The following TXNDC11 variants were observed in gnomAD, a reference collection of about 807,000 sequenced individuals.
TXNDC11 encodes thioredoxin domain-containing protein 11.
A neutral mutation model predicts 78.0 loss-of-function variants in TXNDC11; 68 were observed. That is an observed-to-expected ratio of 0.87 (90% CI 0.72 to 1.07). TXNDC11 has a LOEUF of 1.07. TXNDC11 is among the 50% of genes least tolerant of loss of function. The pLI is 0.00. For missense variants in TXNDC11, 1,389 were observed against 1,221.8 expected, an observed-to-expected ratio of 1.14 and a Z score of -2.04; for synonymous variants, 571 against 495.2, an observed-to-expected ratio of 1.15 and a Z score of -2.03.
intron 5 of TXNDC11, chr16:11,703,763 A>T (rs1311908303): frequency 1.4e-6 from 1 of 700,708 alleles, no homozygotes; most frequent in Non-Finnish European, 2.6e-6. Flanking sequence ...GGGGTGAAGA[A>T]AGTACAAGAT....
rs762322990 is a variant in TXNDC11 at position 11,679,397 on chromosome 16, G to A, written c.2675C>T (p.Thr892Met). The A allele has an allele frequency of 2.5e-6, 4 of 1,611,886 alleles. No individual in the cohort carries two copies. Among genetic ancestry groups the A allele is most frequent in the African/African-American group, 1.3e-5 (1 of 74,862 alleles). ...GGTCGCCACCAGGATCTTGAGCCAC[G>A]TGTTCTCGGTAAGGAGGTTTTCTGA... is the stretch of plus-strand genomic sequence containing the variant. ...DASENLLTEN[T>M]WLKILVATME... is the part of the protein sequence containing the mutation. The change falls in exon 12 of 12, where the codon ACG becomes ATG. Residue 892 changes from threonine (T) to methionine (M), a missense_variant. By Grantham distance (81) the Thr-to-Met change is moderately conservative (BLOSUM62 -1). Coordinates refer to ENST00000283033, the MANE Select transcript of TXNDC11 (RefSeq NM_015914.7). The surrounding 1 kb of genome is among the most constrained non-coding windows in gnomAD (Gnocchi z 4.6).
chr16:11,687,879 T>C lies in TXNDC11; in HGVS notation c.2131A>G (p.Met711Val), dbSNP rs369907277. ...TACCTTGCCACAGTGAATGTGTCCA[T>C]GGGCAGGTTCCGAGCTAGCTGGATG... ...IFIQLARNLP[M>V]DTFTVARIDV... Residue 711 changes from methionine to valine, a missense_variant, in exon 10 of 12, where the codon ATG becomes GTG. Coordinates refer to ENST00000283033, the MANE Select transcript of TXNDC11 (RefSeq NM_015914.7). 68 of 1,613,388 alleles carry C rather than the reference T, an allele frequency of 4.2e-5. No homozygotes were observed. Among genetic ancestry groups the C allele is most frequent in the Admixed American group, 2.2e-4 (13 of 59,982 alleles).
At chr16:11,722,266 G>A (rs1328380659) in intron 4 of TXNDC11, among the ~76,000 whole-genome samples, 13 of 151,922 alleles carry the variant, frequency 8.6e-5, no homozygotes, top group Non-Finnish European at 1.5e-5. Context: ...ATCTGCAGAG[G>A]ACCCGCCTCT....
intron 11 of TXNDC11, among the ~76,000 whole-genome samples, chr16:11,680,061 T>G (rs2050382477): frequency 6.6e-6 from 1 of 152,254 alleles, no homozygotes; most frequent in South Asian, 2.1e-4. Flanking sequence ...TATCTGTTCC[T>G]GAAGCCAGAG....
intron 4 of TXNDC11, among the ~76,000 whole-genome samples, chr16:11,722,844 G>C (rs2051751221): frequency 6.6e-6 from 1 of 152,160 alleles, no homozygotes; most frequent in African/African-American, 2.4e-5. Flanking sequence ...AAATCAATAT[G>C]TTATAAAAAA....
At position 11,721,627 on chromosome 16, in the gene TXNDC11, G is replaced by T. The variant is rs779214939; in HGVS notation, c.743C>A (p.Pro248His). ...GYFEFSGSPQ[P>H]PGYLTFFTSA... Reference sequence around the variant, plus strand: ...GGTGAAGAAGGTCAAATAACCAGGAGGCTGGGGTGAGCCACTGAACTCAAA... The same window carrying T: ...GGTGAAGAAGGTCAAATAACCAGGATGCTGGGGTGAGCCACTGAACTCAAA... The change falls in exon 5 of 12, where the codon CCT becomes CAT. Residue 248 changes from proline (P) to histidine (H), a missense_variant. Physicochemically the swap from Pro to His is moderately conservative, Grantham distance 77. Coordinates refer to ENST00000283033, the MANE Select transcript of TXNDC11 (RefSeq NM_015914.7). The T allele has an allele frequency of 3.7e-6, 6 of 1,612,710 alleles. No individual in the cohort carries two copies. The highest frequency in any genetic ancestry group is 5.1e-6 in the Non-Finnish European group (6 of 1,179,166).
At chr16:11,694,273 C>A (rs898064827) in intron 7 of TXNDC11, among the ~76,000 whole-genome samples, 1 of 151,806 alleles carries the variant, frequency 6.6e-6, no homozygotes, top group Non-Finnish European at 1.5e-5. Flanking sequence ...CGACACCCAG[C>A]CAATTTTTTC....
chr16:11,679,280 G>C lies in TXNDC11; in HGVS notation c.2792C>G (p.Pro931Arg), dbSNP rs527366435. The C allele has an allele frequency of 9.9e-6, 16 of 1,613,032 alleles. No individual in the cohort carries two copies. The highest frequency in any genetic ancestry group is 8.0e-5 in the African/African-American group (6 of 75,058). ...TGGAGGGGAGCTGCCAGGGAGCTGGGGGGTGGCTGAGGGCTCAGGCTGCTT... is the reference window on the plus strand; with the variant it reads ...TGGAGGGGAGCTGCCAGGGAGCTGGCGGGTGGCTGAGGGCTCAGGCTGCTT... The part of the protein sequence containing the change: ...HPKQPEPSAT[P>R]QLPGSSPPPA... Residue 931 changes from proline (P) to arginine (R), a missense_variant, in exon 12 of 12, where the codon CCC becomes CGC. Pro to Arg is a moderately radical substitution (Grantham distance 103). Coordinates refer to ENST00000283033, the MANE Select transcript of TXNDC11 (RefSeq NM_015914.7). This position sits in a 1 kb window ranked among gnomAD's most constrained non-coding sequence, Gnocchi z 4.6.
chr16:11,692,438 A>G (rs58081879), intron 7 of TXNDC11, among the ~76,000 whole-genome samples: 1 of 152,214 alleles, frequency 6.6e-6, no homozygotes, highest in South Asian at 2.1e-4. Context: ...AGGGCCCCCA[A>G]AGTGTAAGGA....
intron 4 of TXNDC11, among the ~76,000 whole-genome samples, chr16:11,722,888 T>G (rs2051753291): frequency 1.3e-5 from 2 of 152,214 alleles, no homozygotes; most frequent in Non-Finnish European, 2.9e-5. Flanking sequence ...GAATATACTA[T>G]CTTTCCAATC....
intron 1 of TXNDC11, among the ~76,000 whole-genome samples, chr16:11,740,252 G>A (rs545190710): frequency 2.6e-5 from 4 of 152,170 alleles, no homozygotes; most frequent in African/African-American, 9.6e-5. Flanking sequence ...TTAGCCAGTT[G>A]CACAGCAATA....
At chr16:11,682,767 T>C (rs1338080737) in intron 11 of TXNDC11, among the ~76,000 whole-genome samples, 2 of 152,168 alleles carry the variant, frequency 1.3e-5, no homozygotes, top group South Asian at 2.1e-4. Flanking sequence ...AAAAGCCTCA[T>C]CACAACTCAG....
chr16:11,683,223 C>T (rs2050475668), intron 11 of TXNDC11, among the ~76,000 whole-genome samples: 1 of 152,194 alleles, frequency 6.6e-6, no homozygotes, highest in Non-Finnish European at 1.5e-5. Context: ...TCCGCTCCCC[C>T]TTGTTAATGT....
intron 3 of TXNDC11, among the ~76,000 whole-genome samples, chr16:11,731,079 A>G (rs192295993): frequency 8.5e-5 from 13 of 152,366 alleles, no homozygotes; most frequent in African/African-American, 3.1e-4. Flanking sequence ...TAATTCCCAC[A>G]GTAGTTCTTT....
intron 10 of TXNDC11, 53 bp downstream of exon 10, chr16:11,687,804 T>G: frequency 8.1e-7 from 1 of 1,228,190 alleles, no homozygotes; most frequent in East Asian, 2.4e-5. Context: ...AAGCTGCAAA[T>G]AAGAGTGAAA....
chr16:11,684,245 C>T lies in TXNDC11; in HGVS notation c.2154G>A (p.Arg718=). The T allele has an allele frequency of 1.2e-6, 2 of 1,611,468 alleles. No individual in the cohort carries two copies. The highest frequency in any genetic ancestry group is 1.7e-6 in the Non-Finnish European group (2 of 1,177,928). ...NLPMDTFTVA[R]IDVSQNDLPW... ...GAAGGTCATTCTGAGACACGTCAAT[C>T]CTGGTAAAGGGAAAGAACAGAAATG... The change falls in exon 11 of 12, where the codon AGG becomes AGA. Residue 718 remains arginine, a splice_region_variant and synonymous_variant. Transcript: ENST00000283033.
Position 11,683,527 on chromosome 16 carries a change from T to C in TXNDC11, c.2234+638A>G, listed in dbSNP as rs541817793. Among the ~76,000 whole-genome samples the C allele has an allele frequency of 8.5e-5, 13 of 152,126 alleles. No individual in the cohort carries two copies. In the South Asian group the frequency reaches 2.7e-3, roughly 32 times the overall value. On this transcript the variant is annotated intron_variant, in intron 11 of 11. Coordinates refer to ENST00000283033, the MANE Select transcript of TXNDC11 (RefSeq NM_015914.7). ...AGGGCTCCACAGATTCTCTGCTGTTTTGCCCCACACAAACATTGCACCACT... is the reference window on the plus strand; with the variant it reads ...AGGGCTCCACAGATTCTCTGCTGTTCTGCCCCACACAAACATTGCACCACT...
At chr16:11,706,429 C>T (rs2051181187) in intron 5 of TXNDC11, among the ~76,000 whole-genome samples, 1 of 152,224 alleles carries the variant, frequency 6.6e-6, no homozygotes, top group African/African-American at 2.4e-5. Flanking sequence ...CAGGCACCAT[C>T]TAGACCCATC....
At chr16:11,702,092 GTATATA>G (rs35673646) in intron 5 of TXNDC11, among the ~76,000 whole-genome samples, 4 of 144,332 alleles carry the variant, frequency 2.8e-5, no homozygotes, top group Non-Finnish European at 3.0e-5. Context: ...GTATGTATGT[GTATATA>G]TATATATATA....
Sources: gnomAD v4.1 joint callset for allele counts (sites outside exome capture counted in the v4.1 genomes callset) on GRCh38, gnomAD v4.1.1 for gene constraint, Gnocchi (gnomAD v3.1) non-coding constraint, MANE v1.5 for transcripts, NCBI Gene and HGNC (gene_info 2026-07-23, HGNC 2026-07-21) for gene names.